Variants in GLIPR1L1 observed in about 807,000 individuals in gnomAD.
GLIPR1L1 encodes the protein GLIPR1 like 1.
Under a neutral mutation model 29.9 loss-of-function variants are expected in GLIPR1L1, and 26 were observed. That is an observed-to-expected ratio of 0.87 (90% confidence interval 0.64 to 1.21). The LOEUF (loss-of-function observed/expected upper bound fraction) is 1.21, where lower values mean the gene tolerates loss of function less well. GLIPR1L1 is among the 50% of genes most tolerant of loss of function. The pLI is 0.00. For missense variants in GLIPR1L1, 305 were observed against 290.3 expected, an observed-to-expected ratio of 1.05 and a Z score of -0.37; for synonymous variants, 77 against 97.5, an observed-to-expected ratio of 0.79 and a Z score of 1.24.
intron 2 of GLIPR1L1, among the ~76,000 whole-genome samples, chr12:75,345,307 C>T (rs2042378516): frequency 6.6e-6 from 1 of 151,868 alleles, no homozygotes; most frequent in Admixed American, 6.6e-5. Flanking sequence ...GTTGTGTTGC[C>T]TAATGTCTTG....
intron 4 of GLIPR1L1, among the ~76,000 whole-genome samples, chr12:75,363,534 G>A (rs1418737441): frequency 1.3e-5 from 2 of 152,120 alleles, no homozygotes; most frequent in African/African-American, 2.4e-5. Flanking sequence ...GACCCATTCA[G>A]AAGTAATTTG....
chr12:75,352,226 A>C (rs2042861946), intron 3 of GLIPR1L1, among the ~76,000 whole-genome samples: 1 of 152,246 alleles, frequency 6.6e-6, no homozygotes, highest in Admixed American at 6.5e-5. Context: ...CTGGATAAAG[A>C]GCCAACATCC....
intron 3 of GLIPR1L1, among the ~76,000 whole-genome samples, chr12:75,358,187 A>T (rs2043282336): frequency 6.6e-6 from 1 of 151,682 alleles, no homozygotes; most frequent in Non-Finnish European, 1.5e-5. Context: ...AAATAAGAAA[A>T]TAATAATAAC....
Position 75,334,797 on chromosome 12 carries a change from C to G in GLIPR1L1, c.69C>G (p.Ser23=). 1 of 1,614,096 alleles carries G rather than the reference C, an allele frequency of 6.2e-7. No homozygotes were observed. Among genetic ancestry groups the G allele is most frequent in the Middle Eastern group, 1.6e-4 (1 of 6,062 alleles). The change falls in exon 1 of 6, where the codon TCC becomes TCG. Residue 23 remains serine (S), a synonymous_variant. Coordinates refer to ENST00000378695, the MANE Select transcript of GLIPR1L1 (RefSeq NM_001304964.2). ...LGLCLVATTS[S]KIPSITDPHF... ...TGTGTTTGGTAGCCACTACATCTTCCAAAATCCCATCCATCACTGACCCAC... is the reference window on the plus strand; with the variant it reads ...TGTGTTTGGTAGCCACTACATCTTCGAAAATCCCATCCATCACTGACCCAC...
chr12:75,338,757 G>A lies in GLIPR1L1; in HGVS notation c.174+3855G>A, dbSNP rs576562085. ...TCCTGAAGCTCTCTCTCCTCCCACCGCCTTCTGCCTACAGGCCCCAATGTG... is the reference window on the plus strand; with the variant it reads ...TCCTGAAGCTCTCTCTCCTCCCACCACCTTCTGCCTACAGGCCCCAATGTG... On this transcript the variant is annotated intron_variant, in intron 1 of 5. Coordinates refer to ENST00000378695, the MANE Select transcript of GLIPR1L1 (RefSeq NM_001304964.2). Among the ~76,000 whole-genome samples, 5 of 151,936 alleles carry A rather than the reference G, an allele frequency of 3.3e-5. No homozygotes were observed. In the South Asian group the frequency reaches 6.3e-4, roughly 19 times the overall value.
In GLIPR1L1 at chr12:75,334,848, C is replaced by T. The variant is rs772601211; in HGVS notation, c.120C>T (p.Ala40=). The T allele has an allele frequency of 2.4e-5, 39 of 1,613,946 alleles. No individual in the cohort carries two copies. The highest frequency in any genetic ancestry group is 2.4e-4 in the South Asian group (22 of 91,072). ...DPHFIDNCIE[A]HNEWRGKVNP... ...ACTTTATAGACAACTGCATAGAAGC[C>T]CACAACGAATGGCGTGGCAAAGTCA... Residue 40 remains alanine (A), a synonymous_variant, in exon 1 of 6, where the codon GCC becomes GCT. Transcript: ENST00000378695.
intron 1 of GLIPR1L1, among the ~76,000 whole-genome samples, chr12:75,336,447 G>T (rs2041745855): frequency 6.6e-6 from 1 of 151,592 alleles, no homozygotes; most frequent in Admixed American, 6.6e-5. Flanking sequence ...ATCACAAATA[G>T]ATTAAAGTAA....
intron 4 of GLIPR1L1, chr12:75,366,855 A>C (rs2043999496): frequency 1.4e-6 from 1 of 700,812 alleles, no homozygotes. Flanking sequence ...CATTTCTTGA[A>C]TGAGTCTTTT....
rs2042620117 is a variant in GLIPR1L1, at chr12:75,348,858, A to G, written c.521+1136A>G. Among the ~76,000 whole-genome samples the G allele has an allele frequency of 4.6e-5, 7 of 152,204 alleles. No individual in the cohort carries two copies. In the South Asian group the frequency reaches 1.4e-3, roughly 31 times the overall value. ...AAAGACACTGGCTATAATACAACAA[A>G]GGGCCGTGATCTCTGAAAAATAACA... On this transcript the variant is annotated intron_variant, in intron 3 of 5. Coordinates refer to ENST00000378695, the MANE Select transcript of GLIPR1L1 (RefSeq NM_001304964.2).
chr12:75,369,933 T>C, intron 4 of GLIPR1L1, 27 bp from the exon 5 acceptor site: 1 of 1,222,712 alleles, frequency 8.2e-7, no homozygotes, highest in Non-Finnish European at 1.1e-6. Context: ...TAACATTTTA[T>C]AATATTAACT....
intron 2 of GLIPR1L1, among the ~76,000 whole-genome samples, chr12:75,346,008 T>C (rs539136472): frequency 1.6e-4 from 24 of 152,242 alleles, no homozygotes; most frequent in Admixed American, 1.4e-3. Flanking sequence ...TAAGGGAAAA[T>C]TTTCTTGCAC....
At chr12:75,345,334 A>G (rs2042380516) in intron 2 of GLIPR1L1, among the ~76,000 whole-genome samples, 2 of 152,010 alleles carry the variant, frequency 1.3e-5, no homozygotes, top group Non-Finnish European at 2.9e-5. Flanking sequence ...ATTACTTCCT[A>G]TAATTTTCTC....
At chr12:75,352,158 T>C (rs1333030192) in intron 3 of GLIPR1L1, among the ~76,000 whole-genome samples, 1 of 152,196 alleles carries the variant, frequency 6.6e-6, no homozygotes, top group African/African-American at 2.4e-5. Context: ...CATATAACTA[T>C]ACTAACGTTA....
At chr12:75,336,270 A>G (rs1170419088) in intron 1 of GLIPR1L1, among the ~76,000 whole-genome samples, 1 of 151,914 alleles carries the variant, frequency 6.6e-6, no homozygotes, top group Non-Finnish European at 1.5e-5. Flanking sequence ...AATTTTTGGA[A>G]AACAGGAACA....
chr12:75,338,346 C>A (rs1003123831), intron 1 of GLIPR1L1, among the ~76,000 whole-genome samples: 2 of 152,130 alleles, frequency 1.3e-5, no homozygotes, highest in African/African-American at 4.8e-5. Context: ...GAAAACTCCC[C>A]AGAAAATGAA....
intron 1 of GLIPR1L1, among the ~76,000 whole-genome samples, chr12:75,340,036 A>AG (rs1289725645): frequency 6.6e-6 from 1 of 152,078 alleles, no homozygotes; most frequent in Non-Finnish European, 1.5e-5. Flanking sequence ...TTCAATTAGA[A>AG]TAATGGTCTC....
intron 3 of GLIPR1L1, among the ~76,000 whole-genome samples, chr12:75,353,113 A>C (rs1336112880): frequency 6.6e-6 from 1 of 152,140 alleles, no homozygotes; most frequent in African/African-American, 2.4e-5. Context: ...AACAAACCCC[A>C]AAGCTAGCAG....
chr12:75,347,534 C>T (rs1416299112), intron 2 of GLIPR1L1, 88 bp from the exon 3 acceptor site: 3 of 733,260 alleles, frequency 4.1e-6, no homozygotes, highest in Non-Finnish European at 7.0e-6. Context: ...TTTTTTGTAG[C>T]ATGACAAAGA....
intron 3 of GLIPR1L1, among the ~76,000 whole-genome samples, chr12:75,359,064 T>C (rs977346061): frequency 1.5e-4 from 22 of 150,442 alleles, no homozygotes; most frequent in African/African-American, 5.3e-4. Context: ...GAAAATCCAC[T>C]GGAATCTACC....
Sources: allele counts gnomAD v4.1 joint callset (sites outside exome capture counted in the v4.1 genomes callset), GRCh38; gene constraint gnomAD v4.1.1; transcripts MANE v1.5; gene names NCBI Gene and HGNC (gene_info 2026-07-23, HGNC 2026-07-21).